The following KDM4B variants were observed in gnomAD, a reference collection of about 807,000 sequenced individuals.
The protein encoded by KDM4B is lysine demethylase 4B.
A neutral mutation model predicts 125.2 loss-of-function variants in KDM4B; 32 were observed. The observed-to-expected ratio is 0.26, with a 90% confidence interval of 0.19 to 0.34. The LOEUF is 0.34. Ranked by LOEUF, KDM4B falls within the 10% of genes least tolerant of loss-of-function variation. KDM4B has a pLI of 1.00. For missense variants in KDM4B, 1,190 were observed against 1,577.7 expected (o/e 0.75, Z 4.16); for synonymous variants, 721 against 677.9 (o/e 1.06, Z -0.99).
chr19:4,991,411 C>T (rs994723067), intron 1 of KDM4B, among the ~76,000 whole-genome samples: 1 of 152,034 alleles, frequency 6.6e-6, no homozygotes, highest in Admixed American at 6.6e-5. Flanking sequence ...TCCAGTAGTT[C>T]GAGACCAGCC....
intron 7 of KDM4B, 33 bp from the exon 8 acceptor site, chr19:5,077,334 C>T (rs1482301974): frequency 6.3e-7 from 1 of 1,591,388 alleles, no homozygotes; most frequent in Non-Finnish European, 8.6e-7. Flanking sequence ...CGGCTGTGGC[C>T]CAGGAGACTG....
intron 6 of KDM4B, among the ~76,000 whole-genome samples, chr19:5,069,147 T>C (rs1041067194): frequency 1.4e-4 from 21 of 152,178 alleles, no homozygotes; most frequent in Non-Finnish European, 2.6e-4. Context: ...AGTGGAAGAC[T>C]CTCTGAGGAC....
rs80238651 is a variant in KDM4B, at chr19:5,073,711, C to G, written c.676+2652C>G. Among the ~76,000 whole-genome samples, 133 of 152,346 alleles carry G rather than the reference C, an allele frequency of 8.7e-4. 1 individual carries two copies. The East Asian group carries it at 0.018, about 21-fold the overall frequency. ...TCTACCCTGAGGCCAGGCCAGGCAC[C>G]TGGAGGGCTGGTTTGGTTTCTAAGT... is the stretch of plus-strand genomic sequence containing the variant. On this transcript the variant is annotated intron_variant, in intron 7 of 22. Transcript: ENST00000159111.
intron 1 of KDM4B, among the ~76,000 whole-genome samples, chr19:4,978,079 A>AG (rs984389293): frequency 6.6e-6 from 1 of 152,098 alleles, no homozygotes; most frequent in African/African-American, 2.4e-5. Context: ...GGAGAGAGAG[A>AG]AGATTGCCGT....
chr19:5,104,316 A>G lies in KDM4B; in HGVS notation c.919-6306A>G, dbSNP rs181084840. Among the ~76,000 whole-genome samples, 5 of 152,366 alleles carry G rather than the reference A, an allele frequency of 3.3e-5. No individual in the cohort carries two copies. The East Asian group carries it at 7.7e-4, about 23-fold the overall frequency. On this transcript the variant is annotated intron_variant, in intron 9 of 22. Transcript: ENST00000159111. ...GTTACACTGTGAGCTGCTTCAGGGC[A>G]GGGCCCAGCGTTGCACGGTAAAACT...
intron 9 of KDM4B, among the ~76,000 whole-genome samples, chr19:5,095,059 G>A (rs1001851244): frequency 1.5e-4 from 23 of 152,174 alleles, no homozygotes; most frequent in African/African-American, 4.3e-4. Flanking sequence ...GCAGCTATGA[G>A]ATGCTGTGCC....
intron 18 of KDM4B, among the ~76,000 whole-genome samples, chr19:5,143,216 A>G (rs914857921): frequency 6.6e-6 from 1 of 151,882 alleles, no homozygotes; most frequent in African/African-American, 2.4e-5. Context: ...CCAGCTACTC[A>G]GGAGGCTGAG....
chr19:5,001,990 T>C (rs1033731132), intron 1 of KDM4B, among the ~76,000 whole-genome samples: 1 of 134,400 alleles, frequency 7.4e-6, no homozygotes, highest in Non-Finnish European at 1.6e-5. Flanking sequence ...TTCCTTTGTG[T>C]TTTTTTTTTC....
rs2039232193 is a variant in KDM4B, at chr19:5,115,234, CAGAA to C, written c.1116-4415_1116-4412del. Among the ~76,000 whole-genome samples, 2 of 152,068 alleles carry C rather than the reference CAGAA, an allele frequency of 1.3e-5. No individual in the cohort carries two copies. Among genetic ancestry groups the C allele is most frequent in the Admixed American group, 1.3e-4 (2 of 15,264 alleles). The stretch of plus-strand genomic sequence containing the variant: ...GCAGGGGGAATGTACCACGGGGCCT[CAGAA>C]AGACACAGCGGGCAAACATGGGCAG... On this transcript the variant is annotated intron_variant, in intron 10 of 22. Transcript: ENST00000159111. This position sits in a 1 kb window ranked among gnomAD's most constrained non-coding sequence, Gnocchi z 4.2.
chr19:5,099,465 C>G (rs1015863624), intron 9 of KDM4B, among the ~76,000 whole-genome samples: 1 of 152,198 alleles, frequency 6.6e-6, no homozygotes, highest in African/African-American at 2.4e-5. Flanking sequence ...GCAAGATTTA[C>G]AGTAAGTACC....
At chr19:5,028,433 G>A (rs955886828) in intron 2 of KDM4B, among the ~76,000 whole-genome samples, 35 of 152,154 alleles carry the variant, frequency 2.3e-4, no homozygotes, top group African/African-American at 7.5e-4. Flanking sequence ...TGGCTGTGTC[G>A]TATTCCACCG....
At chr19:5,052,815 G>A (rs905757014) in intron 6 of KDM4B, among the ~76,000 whole-genome samples, 5 of 152,250 alleles carry the variant, frequency 3.3e-5, no homozygotes, top group Non-Finnish European at 7.3e-5. Flanking sequence ...GGGGACCCTG[G>A]TGTGGGTTTG....
At position 5,114,833 on chromosome 19, in the gene KDM4B, C is replaced by G. The variant is rs1205685246; in HGVS notation, c.1115+4015C>G. ...GGTGACAGGGCCAGAGGCCGTCCAC[C>G]CCGCCTCCTGCCATACAAGCTGCAA... is the stretch of plus-strand genomic sequence containing the variant. On this transcript the variant is annotated intron_variant, in intron 10 of 22. Transcript: ENST00000159111. The surrounding 1 kb of genome is among the most constrained non-coding windows in gnomAD (Gnocchi z 5.8). 6.6e-6 allele frequency among the ~76,000 whole-genome samples: 1 copy of G among 152,226 alleles called. No homozygotes were observed. The highest frequency in any genetic ancestry group is 6.5e-5 in the Admixed American group (1 of 15,288).
At chr19:5,124,834 G>C (rs940901456) in intron 11 of KDM4B, among the ~76,000 whole-genome samples, 6 of 152,228 alleles carry the variant, frequency 3.9e-5, no homozygotes, top group African/African-American at 1.4e-4. Context: ...GACCTCAGGT[G>C]ATCCACTTGC....
chr19:5,111,279 G>A lies in KDM4B; in HGVS notation c.1115+461G>A, dbSNP rs79074133. On this transcript the variant is annotated intron_variant, in intron 10 of 22. Coordinates refer to ENST00000159111, the MANE Select transcript of KDM4B (RefSeq NM_015015.3). The stretch of plus-strand genomic sequence containing the variant: ...GTCGGGTTCCCTGCAAGGACTCAAC[G>A]GGGCATCAGGTGGGGCTGCTTGGAT... 1.6e-3 allele frequency: 1,099 copies of A among 693,798 alleles called. 14 individuals carry two copies. Among genetic ancestry groups the A allele is most frequent in the African/African-American group, 0.016 (904 of 57,362 alleles). The allele number at this position is 693,798 out of a possible 1,614,324, so 43.0% of individuals were successfully genotyped here.
intron 15 of KDM4B, among the ~76,000 whole-genome samples, 194 bp from the exon 16 acceptor site, chr19:5,137,068 A>G (rs1402548634): frequency 1.3e-5 from 2 of 152,080 alleles, no homozygotes. Context: ...CTCGCTCCAC[A>G]TGCAGTGGCC....
At chr19:5,050,637 G>A (rs1177050052) in intron 6 of KDM4B, among the ~76,000 whole-genome samples, 1 of 152,204 alleles carries the variant, frequency 6.6e-6, no homozygotes, top group Non-Finnish European at 1.5e-5. Context: ...GCGGTGGTTT[G>A]CGCCTGTAAT....
At chr19:4,973,858 G>A (rs1226191264) in intron 1 of KDM4B, among the ~76,000 whole-genome samples, 5 of 151,626 alleles carry the variant, frequency 3.3e-5, no homozygotes, top group African/African-American at 1.2e-4. Flanking sequence ...GGCTGGGTGC[G>A]GTGGCTCATG....
intron 5 of KDM4B, among the ~76,000 whole-genome samples, chr19:5,042,611 C>A (rs987418478): frequency 5.3e-5 from 8 of 151,730 alleles, no homozygotes; most frequent in African/African-American, 1.9e-4. Context: ...GCTTGGGAGG[C>A]CTCAGGAAAC....
Sources: allele counts gnomAD v4.1 joint callset (sites outside exome capture counted in the v4.1 genomes callset), GRCh38; gene constraint gnomAD v4.1.1; non-coding constraint Gnocchi (gnomAD v3.1); transcripts MANE v1.5; gene names NCBI Gene and HGNC (gene_info 2026-07-23, HGNC 2026-07-21).